Variants in STUM observed in about 807,000 individuals in gnomAD.
The protein encoded by STUM is stum, mechanosensory transduction mediator homolog.
Under a neutral mutation model 15.3 loss-of-function variants are expected in STUM, and 8 were observed. The observed-to-expected ratio is 0.52, with a 90% CI of 0.31 to 0.94. The LOEUF (loss-of-function observed/expected upper bound fraction) is 0.94. STUM is among the 40% of genes least tolerant of loss of function. The probability of loss-of-function intolerance (pLI) is 0.05; values close to 1 mark genes in which losing one functional copy is unlikely to be tolerated. For missense variants in STUM, 142 were observed against 204.9 expected, an observed-to-expected ratio of 0.69 and a Z score of 1.87; for synonymous variants, 78 against 88.7, an observed-to-expected ratio of 0.88 and a Z score of 0.68.
rs1668337572 is a variant in STUM, at chr1:226,605,214, C to T, written c.*3174C>T. 1 of 152,388 alleles carries T rather than the reference C, an allele frequency of 6.6e-6. No homozygotes were observed. The highest frequency in any genetic ancestry group is 1.5e-5 in the Non-Finnish European group (1 of 68,164). 9.4% of individuals were successfully genotyped at this position (152,388 alleles called of 1,614,324 possible). ...CACCCTCAGCTGCCCCAGACCCACA[C>T]ATCCAGCCCCAAGAGCAGCCTCACC... On this transcript the variant is annotated 3_prime_UTR_variant, in exon 4 of 4. Coordinates refer to ENST00000366788, the MANE Select transcript of STUM (RefSeq NM_001003665.4). This position sits in a 1 kb window ranked among gnomAD's most constrained non-coding sequence, Gnocchi z 4.0.
At chr1:226,579,628 C>CT (rs772749044) in intron 1 of STUM, among the ~76,000 whole-genome samples, 74,161 of 129,462 alleles carry the variant, frequency 0.57, 19,523 homozygotes, top group Admixed American at 0.64. Context: ...GGCCTTATTT[C>CT]TTTTTCTTTT....
chr1:226,563,519 G>A (rs1222833171), intron 1 of STUM, among the ~76,000 whole-genome samples: 8 of 152,230 alleles, frequency 5.3e-5, no homozygotes, highest in Non-Finnish European at 1.0e-4. Flanking sequence ...CCAGGAGGCC[G>A]GGGTCATTGT....
chr1:226,548,916 G>A lies in STUM; in HGVS notation c.12G>A (p.Ser4=), dbSNP rs530777719. 1.4e-5 allele frequency: 20 copies of A among 1,423,668 alleles called. No homozygotes were observed. In the East Asian group the frequency reaches 5.4e-4, roughly 38 times the overall value. The allele number at this position is 1,423,668 out of a possible 1,614,324, so 88.2% of individuals were successfully genotyped here. Residue 4 remains serine (S), a synonymous_variant, in exon 1 of 4, where the codon TCG becomes TCA. Transcript: ENST00000366788. ...GAGCGCGCCCGGCCATGGAGCCCTC[G>A]CACAAAGACGCCGAGACGGCGGCGG... MEP[S]HKDAETAAAA...
chr1:226,588,132 C>T (rs1166767181), intron 1 of STUM, among the ~76,000 whole-genome samples: 3 of 152,176 alleles, frequency 2.0e-5, no homozygotes, highest in Admixed American at 6.5e-5. Flanking sequence ...TATTCCAGAT[C>T]GGTTTTATGT....
chr1:226,596,255 T>C (rs1330081543), intron 1 of STUM, among the ~76,000 whole-genome samples: 1 of 134,108 alleles, frequency 7.5e-6, no homozygotes. Context: ...CCCTCTACAC[T>C]GCACAGTGTA....
intron 1 of STUM, among the ~76,000 whole-genome samples, chr1:226,586,408 G>A (rs1667998649): frequency 6.6e-6 from 1 of 152,152 alleles, no homozygotes; most frequent in Admixed American, 6.5e-5. Context: ...CAAGCTCCAT[G>A]CTGAGCACAT....
chr1:226,564,380 C>T (rs1437818315), intron 1 of STUM, among the ~76,000 whole-genome samples: 1 of 152,120 alleles, frequency 6.6e-6, no homozygotes, highest in Non-Finnish European at 1.5e-5. Flanking sequence ...GCTTTGTCTC[C>T]CAGGCCTATT....
intron 1 of STUM, among the ~76,000 whole-genome samples, chr1:226,554,769 G>C (rs956491943): frequency 2.0e-5 from 3 of 152,086 alleles, no homozygotes; most frequent in African/African-American, 7.2e-5. Flanking sequence ...TCTAAAAATA[G>C]CCTCTCCTGA....
At chr1:226,589,423 T>A (rs1668049749) in intron 1 of STUM, among the ~76,000 whole-genome samples, 1 of 152,054 alleles carries the variant, frequency 6.6e-6, no homozygotes, top group South Asian at 2.1e-4. Context: ...CCCTTTTCTC[T>A]CCCTACTGCC....
intron 1 of STUM, among the ~76,000 whole-genome samples, chr1:226,562,547 C>T (rs1283362025): frequency 4.6e-5 from 7 of 151,830 alleles, no homozygotes; most frequent in South Asian, 2.1e-4. Context: ...AACAAGGGAC[C>T]GACATCATGT....
intron 1 of STUM, among the ~76,000 whole-genome samples, chr1:226,589,670 A>C (rs1192930541): frequency 6.6e-6 from 1 of 152,116 alleles, no homozygotes; most frequent in Non-Finnish European, 1.5e-5. Flanking sequence ...TTGACAATAC[A>C]GTTCATTACC....
Position 226,600,708 on chromosome 1 carries a change from T to C in STUM, c.391+34T>C. ...GCGGATGGACGTGCGGGCCTCGTGC[T>C]GCTGCTTGGGGCCCTCCCCTCCCCC... On this transcript the variant is annotated intron_variant, in intron 3 of 3. Coordinates refer to ENST00000366788, the MANE Select transcript of STUM (RefSeq NM_001003665.4). The surrounding 1 kb of genome is among the most constrained non-coding windows in gnomAD (Gnocchi z 5.2). 2 of 1,608,696 alleles carry C rather than the reference T, an allele frequency of 1.2e-6. No homozygotes were observed. The highest frequency in any genetic ancestry group is 1.7e-6 in the Non-Finnish European group (2 of 1,179,594).
chr1:226,590,716 C>G (rs1668071049), intron 1 of STUM, among the ~76,000 whole-genome samples: 1 of 152,204 alleles, frequency 6.6e-6, no homozygotes, highest in South Asian at 2.1e-4. Flanking sequence ...CTCTTCCCTC[C>G]TCTGAGTCCA....
At chr1:226,560,728 C>A (rs1667525897) in intron 1 of STUM, among the ~76,000 whole-genome samples, 1 of 152,146 alleles carries the variant, frequency 6.6e-6, no homozygotes, top group Admixed American at 6.5e-5. Flanking sequence ...AGTGGGTCCC[C>A]TGGGTCACAT....
chr1:226,580,826 G>A (rs1028100385), intron 1 of STUM, among the ~76,000 whole-genome samples: 1 of 152,198 alleles, frequency 6.6e-6, no homozygotes. Context: ...GTGTCTGGTG[G>A]ATCTGTAGTT....
At position 226,596,984 on chromosome 1, in the gene STUM, G is replaced by A. The variant is rs1204708531; in HGVS notation, c.382+3G>A. Reference sequence around the variant, plus strand: ...CATGGACATGGTCATCCTTGCCAGTGAGTAGCTGTTGGTGCTGCGCCTCCT... The same window carrying A: ...CATGGACATGGTCATCCTTGCCAGTAAGTAGCTGTTGGTGCTGCGCCTCCT... On this transcript the variant is annotated splice_donor_region_variant and intron_variant, in intron 2 of 3. Transcript: ENST00000366788. The A allele has an allele frequency of 6.2e-7, 1 of 1,614,132 alleles. No individual in the cohort carries two copies. Among genetic ancestry groups the A allele is most frequent in the Non-Finnish European group, 8.5e-7 (1 of 1,179,956 alleles).
intron 1 of STUM, among the ~76,000 whole-genome samples, chr1:226,574,074 G>A (rs1667765631): frequency 6.6e-6 from 1 of 152,154 alleles, no homozygotes; most frequent in Non-Finnish European, 1.5e-5. Flanking sequence ...GACCTCAAAT[G>A]ATCCTCCAGC....
chr1:226,579,396 T>G (rs555745272), intron 1 of STUM, among the ~76,000 whole-genome samples: 8 of 152,208 alleles, frequency 5.3e-5, no homozygotes. Context: ...GGGAATACAG[T>G]GGTATCAGCA....
In STUM at chr1:226,596,781, GT is replaced by G; in HGVS notation, c.203-20del. On this transcript the variant is annotated intron_variant, in intron 1 of 3. Coordinates refer to ENST00000366788, the MANE Select transcript of STUM (RefSeq NM_001003665.4). Reference sequence around the variant, plus strand: ...TGTCTCCCAGTGCCCTCAGAAGGCTGTCCCCTCTGGCCTCTCACAGGGACAT... The same window carrying G: ...TGTCTCCCAGTGCCCTCAGAAGGCTGCCCCTCTGGCCTCTCACAGGGACAT... The G allele has an allele frequency of 1.2e-6, 2 of 1,600,168 alleles. No homozygotes were observed. The highest frequency in any genetic ancestry group is 1.7e-6 in the Non-Finnish European group (2 of 1,169,258).
Sources: allele counts gnomAD v4.1 joint callset (sites outside exome capture counted in the v4.1 genomes callset), GRCh38; gene constraint gnomAD v4.1.1; non-coding constraint Gnocchi (gnomAD v3.1); transcripts MANE v1.5; gene names NCBI Gene and HGNC (gene_info 2026-07-23, HGNC 2026-07-21).